The following CCSER1 variants were observed in gnomAD, a reference collection of about 807,000 sequenced individuals.
CCSER1 encodes serine-rich coiled-coil domain-containing protein 1.
A neutral mutation model predicts 82.0 loss-of-function variants in CCSER1; 41 were observed. That is an observed-to-expected ratio of 0.50 (90% CI 0.39 to 0.65). The LOEUF (loss-of-function observed/expected upper bound fraction) is 0.65, where lower values mean the gene tolerates loss of function less well. Among genes scored for constraint, CCSER1 ranks in the 30% least tolerant of loss-of-function variants. The pLI is 0.00. For synonymous variants in CCSER1, 414 were observed against 383.9 expected (o/e 1.08, Z -0.92); for missense variants, 1,119 against 1,064.2 (o/e 1.05, Z -0.72).
chr4:90,185,143 T>C (rs79797701), intron 1 of CCSER1, among the ~76,000 whole-genome samples: 316 of 152,170 alleles, frequency 2.1e-3, no homozygotes, highest in African/African-American at 7.3e-3. Context: ...AGAAGGTACA[T>C]TCACACCTTC....
intron 10 of CCSER1, among the ~76,000 whole-genome samples, chr4:91,357,316 A>G (rs1009141270): frequency 3.9e-5 from 6 of 152,070 alleles, no homozygotes; most frequent in African/African-American, 1.4e-4. Context: ...TATTTATCCA[A>G]TTTTTCATGT....
intron 10 of CCSER1, among the ~76,000 whole-genome samples, chr4:91,302,373 C>A (rs1744733595): frequency 6.6e-6 from 1 of 151,976 alleles, no homozygotes; most frequent in African/African-American, 2.4e-5. Context: ...GCTCTACTTT[C>A]AAAAGACATT....
At chr4:91,181,958 C>G (rs1472353132) in intron 10 of CCSER1, among the ~76,000 whole-genome samples, 1 of 152,190 alleles carries the variant, frequency 6.6e-6, no homozygotes, top group African/African-American at 2.4e-5. Context: ...TTCTCTGTGT[C>G]AGTCCTTATT....
chr4:90,551,605 A>G (rs1777484570), intron 5 of CCSER1, among the ~76,000 whole-genome samples: 1 of 151,504 alleles, frequency 6.6e-6, no homozygotes, highest in Non-Finnish European at 1.5e-5. Context: ...CCTCAACTCT[A>G]TATCCAAAGA....
intron 10 of CCSER1, among the ~76,000 whole-genome samples, chr4:91,522,973 C>T (rs942764635): frequency 6.6e-6 from 1 of 152,126 alleles, no homozygotes; most frequent in Admixed American, 6.5e-5. Flanking sequence ...GGAATGCTTC[C>T]AGTTTTTGCC....
At position 91,603,101 on chromosome 4, in the gene CCSER1, C is replaced by T. The variant is rs2110369635; in HGVS notation, c.*4044C>T. ...GCTGTAGAAGGCGTAATATAAAATA[C>T]AAACTAGTTTTGGTTCTTATAAAAG... On this transcript the variant is annotated 3_prime_UTR_variant, in exon 11 of 11. Coordinates refer to ENST00000509176, the MANE Select transcript of CCSER1 (RefSeq NM_001145065.2). Among the ~76,000 whole-genome samples the T allele has an allele frequency of 6.6e-6, 1 of 152,086 alleles. No homozygotes were observed. Among genetic ancestry groups the T allele is most frequent in the Non-Finnish European group, 1.5e-5 (1 of 67,942 alleles).
chr4:90,609,856 T>C (rs1177049989), intron 5 of CCSER1, among the ~76,000 whole-genome samples: 1 of 152,212 alleles, frequency 6.6e-6, no homozygotes, highest in Non-Finnish European at 1.5e-5. Flanking sequence ...AACTCATGTT[T>C]TAAATTATTT....
chr4:91,054,026 G>A (rs1164179282), intron 9 of CCSER1, among the ~76,000 whole-genome samples: 1 of 152,196 alleles, frequency 6.6e-6, no homozygotes, highest in Admixed American at 6.5e-5. Context: ...GCATGTGTAT[G>A]AGTGTACCTT....
At chr4:90,455,989 A>C (rs1356261923) in intron 4 of CCSER1, among the ~76,000 whole-genome samples, 6 of 152,164 alleles carry the variant, frequency 3.9e-5, no homozygotes, top group Non-Finnish European at 8.8e-5. Context: ...CCATTAAATT[A>C]GTGGCCTCAC....
intron 10 of CCSER1, among the ~76,000 whole-genome samples, chr4:91,479,570 T>C (rs993707258): frequency 1.1e-4 from 16 of 151,856 alleles, no homozygotes; most frequent in African/African-American, 3.9e-4. Context: ...ACTGAAATAC[T>C]ATTGGTTGAG....
intron 10 of CCSER1, among the ~76,000 whole-genome samples, chr4:91,189,050 C>T (rs961964551): frequency 2.0e-5 from 3 of 152,026 alleles, no homozygotes; most frequent in African/African-American, 7.2e-5. Context: ...CTGCAAACCT[C>T]CCGAACGGTA....
At chr4:90,994,824 C>A (rs1737350640) in intron 9 of CCSER1, among the ~76,000 whole-genome samples, 1 of 152,068 alleles carries the variant, frequency 6.6e-6, no homozygotes, top group African/African-American at 2.4e-5. Flanking sequence ...ATTCATTAAT[C>A]CACTGTGGTA....
chr4:90,498,977 TC>T (rs1769425532), intron 5 of CCSER1, among the ~76,000 whole-genome samples: 1 of 152,152 alleles, frequency 6.6e-6, no homozygotes, highest in African/African-American at 2.4e-5. Flanking sequence ...TTAAAAAATC[TC>T]TCTGCAATTG....
intron 5 of CCSER1, among the ~76,000 whole-genome samples, chr4:90,496,162 G>C (rs1768968194): frequency 6.6e-6 from 1 of 152,148 alleles, no homozygotes; most frequent in Admixed American, 6.5e-5. Context: ...GATGCCACTT[G>C]AAGTCACAAC....
intron 10 of CCSER1, among the ~76,000 whole-genome samples, chr4:91,449,423 A>G (rs1455326225): frequency 6.6e-6 from 1 of 152,090 alleles, no homozygotes; most frequent in Non-Finnish European, 1.5e-5. Flanking sequence ...GCATCATAAG[A>G]CATTTAGACA....
At chr4:91,521,769 T>G (rs2110142530) in intron 10 of CCSER1, among the ~76,000 whole-genome samples, 1 of 152,330 alleles carries the variant, frequency 6.6e-6, no homozygotes, top group African/African-American at 2.4e-5. Flanking sequence ...CTTTGTAGAT[T>G]CTGGATATTA....
intron 3 of CCSER1, among the ~76,000 whole-genome samples, chr4:90,339,953 A>C (rs1184815111): frequency 6.6e-6 from 1 of 152,040 alleles, no homozygotes; most frequent in Non-Finnish European, 1.5e-5. Context: ...CAGGGCATCA[A>C]ACAAAGAAAG....
intron 3 of CCSER1, among the ~76,000 whole-genome samples, chr4:90,372,766 A>G (rs113886719): frequency 0.015 from 2,207 of 152,182 alleles, 22 homozygotes; most frequent in Admixed American, 0.038. Flanking sequence ...CGTATAAAAA[A>G]AAAAGCTAGA....
chr4:91,437,458 C>T (rs188443680), intron 10 of CCSER1, among the ~76,000 whole-genome samples: 3 of 152,114 alleles, frequency 2.0e-5, no homozygotes, highest in African/African-American at 4.8e-5. Flanking sequence ...CAGAGCCTCA[C>T]GATCTCAGAA....
Sources: gnomAD v4.1 joint callset for allele counts (sites outside exome capture counted in the v4.1 genomes callset) on GRCh38, gnomAD v4.1.1 for gene constraint, MANE v1.5 for transcripts, NCBI Gene and HGNC (gene_info 2026-07-23, HGNC 2026-07-21) for gene names.